The following TRAPPC8 variants were observed in gnomAD, a reference collection of about 807,000 sequenced individuals.
TRAPPC8 encodes trafficking protein particle complex subunit 8.
A neutral mutation model predicts 174.3 loss-of-function variants in TRAPPC8; 54 were observed. The observed-to-expected ratio is 0.31, with a 90% confidence interval of 0.25 to 0.39. The LOEUF (loss-of-function observed/expected upper bound fraction) is 0.39, where lower values mean the gene tolerates loss of function less well. Ranked by LOEUF, TRAPPC8 falls within the 10% of genes least tolerant of loss-of-function variation. TRAPPC8 has a pLI of 1.00. For missense variants in TRAPPC8, 1,531 were observed against 1,699.1 expected (o/e 0.90, Z 1.74); for synonymous variants, 630 against 579.9 (o/e 1.09, Z -1.24).
At chr18:31,874,305 G>A (rs2035033691) in intron 13 of TRAPPC8, 175 bp downstream of exon 13, 6 of 593,212 alleles carry the variant, frequency 1.0e-5, no homozygotes, top group Non-Finnish European at 1.8e-5. Context: ...CAAGAACTGT[G>A]GAAGGGGCAA....
intron 22 of TRAPPC8, among the ~76,000 whole-genome samples, chr18:31,853,543 C>G (rs779580550): frequency 3.3e-5 from 5 of 152,180 alleles, no homozygotes; most frequent in Non-Finnish European, 7.3e-5. Context: ...GCAGGAATTA[C>G]AGGCGTGAGC....
Position 31,897,900 on chromosome 18 carries a change from A to G in TRAPPC8, c.1491-9T>C. ...CAGCCAACACCATATTCCTATAGAA[A>G]AAAGGACAAGAAGATAAAATAGCAC... is the stretch of plus-strand genomic sequence containing the variant. On this transcript the variant is annotated splice_polypyrimidine_tract_variant and intron_variant, in intron 10 of 28. Transcript: ENST00000283351. 1 of 1,606,676 alleles carries G rather than the reference A, an allele frequency of 6.2e-7. No individual in the cohort carries two copies. Among genetic ancestry groups the G allele is most frequent in the Non-Finnish European group, 8.5e-7 (1 of 1,175,910 alleles).
In TRAPPC8 at chr18:31,942,902, A is replaced by G; in HGVS notation, c.-138T>C. The G allele has an allele frequency of 1.6e-6, 2 of 1,242,386 alleles. No homozygotes were observed. Among genetic ancestry groups the G allele is most frequent in the Non-Finnish European group, 2.0e-6 (2 of 993,572 alleles). 77.0% of individuals were successfully genotyped at this position (1,242,386 alleles called of 1,614,324 possible). A position where few individuals can be genotyped will look rare whatever the true frequency, so the allele number is the denominator to read the frequency against. ...CCCGAACGCACTGGAGCCTAGAAAC[A>G]AGAAGGAACAGACGCCGCCGCTTCG... On this transcript the variant is annotated 5_prime_UTR_variant, in exon 1 of 29. Coordinates refer to ENST00000283351, the MANE Select transcript of TRAPPC8 (RefSeq NM_014939.5).
intron 13 of TRAPPC8, 168 bp from the exon 14 acceptor site, chr18:31,873,706 G>T: frequency 1.9e-6 from 1 of 512,994 alleles, no homozygotes; most frequent in Non-Finnish European, 3.5e-6. Context: ...TTACAACTCA[G>T]AAGCACTTCA....
At chr18:31,858,304 G>A (rs1205068642) in intron 19 of TRAPPC8, among the ~76,000 whole-genome samples, 2 of 152,054 alleles carry the variant, frequency 1.3e-5, no homozygotes, top group African/African-American at 4.8e-5. Flanking sequence ...AATTTAACAC[G>A]GCTATATGAA....
At chr18:31,832,948 G>GA (rs2032465227) in intron 27 of TRAPPC8, among the ~76,000 whole-genome samples, 1 of 152,166 alleles carries the variant, frequency 6.6e-6, no homozygotes, top group Non-Finnish European at 1.5e-5. Flanking sequence ...ATTCTGCTCA[G>GA]ATAATATATT....
chr18:31,920,352 G>A lies in TRAPPC8; in HGVS notation c.353-2685C>T, dbSNP rs1300600304. 3.9e-5 allele frequency among the ~76,000 whole-genome samples: 6 copies of A among 152,098 alleles called. No homozygotes were observed. In the East Asian group the frequency reaches 5.8e-4, roughly 15 times the overall value. On this transcript the variant is annotated intron_variant, in intron 2 of 28. Transcript: ENST00000283351. Reference sequence around the variant, plus strand: ...ATTGAAAGACTAGAAAACACAACGCGCTCATCAGGAGAAAACTGATGAACA... The same window carrying A: ...ATTGAAAGACTAGAAAACACAACGCACTCATCAGGAGAAAACTGATGAACA...
chr18:31,905,840 A>C (rs781305784), intron 9 of TRAPPC8, among the ~76,000 whole-genome samples: 9 of 152,196 alleles, frequency 5.9e-5, no homozygotes, highest in Non-Finnish European at 1.3e-4. Flanking sequence ...TGAATGGCTT[A>C]AATGTAGTTT....
intron 10 of TRAPPC8, among the ~76,000 whole-genome samples, chr18:31,899,796 AT>A (rs1425224437): frequency 6.6e-6 from 1 of 152,018 alleles, no homozygotes; most frequent in Admixed American, 6.5e-5. Flanking sequence ...AATACAAAAA[AT>A]TAGCTGGGCA....
intron 1 of TRAPPC8, among the ~76,000 whole-genome samples, chr18:31,939,962 A>C (rs991197003): frequency 9.8e-5 from 15 of 152,338 alleles, no homozygotes; most frequent in African/African-American, 3.6e-4. Flanking sequence ...ATGAGCCGCT[A>C]TCACAGCACT....
intron 12 of TRAPPC8, among the ~76,000 whole-genome samples, chr18:31,886,779 G>A (rs971681969): frequency 6.6e-6 from 1 of 152,116 alleles, no homozygotes; most frequent in Non-Finnish European, 1.5e-5. Context: ...TCAGGAGTTT[G>A]AGACCAGCTT....
At chr18:31,853,034 T>G (rs114448523) in intron 22 of TRAPPC8, among the ~76,000 whole-genome samples, 2 of 152,238 alleles carry the variant, frequency 1.3e-5, no homozygotes, top group Admixed American at 6.5e-5. Context: ...CCAACATTAC[T>G]ATACGAACAC....
At chr18:31,904,477 G>A (rs935611747) in intron 9 of TRAPPC8, among the ~76,000 whole-genome samples, 4 of 152,026 alleles carry the variant, frequency 2.6e-5, no homozygotes, top group Non-Finnish European at 5.9e-5. Flanking sequence ...GGATGGGAAA[G>A]CCATAATTCA....
chr18:31,885,012 C>A (rs2035638346), intron 12 of TRAPPC8, among the ~76,000 whole-genome samples: 2 of 151,274 alleles, frequency 1.3e-5, no homozygotes, highest in Non-Finnish European at 2.9e-5. Context: ...CGCCACCACG[C>A]CCGGCTAATT....
In TRAPPC8 at chr18:31,887,833, T is replaced by C. The variant is rs372586380; in HGVS notation, c.1728+2902A>G. On this transcript the variant is annotated intron_variant, in intron 12 of 28. Transcript: ENST00000283351. ...CTCACCACTGCTATTCAACATAGTA[T>C]TGGACGTTCTGGCCAGGGCAATCAA... Among the ~76,000 whole-genome samples, 4 of 152,102 alleles carry C rather than the reference T, an allele frequency of 2.6e-5. No homozygotes were observed. The South Asian group carries it at 6.2e-4, about 24-fold the overall frequency.
At chr18:31,843,000 A>C (rs1443613486) in intron 26 of TRAPPC8, among the ~76,000 whole-genome samples, 1 of 152,216 alleles carries the variant, frequency 6.6e-6, no homozygotes, top group Non-Finnish European at 1.5e-5. Context: ...CTTTATGAAA[A>C]GAAAAAGATC....
At chr18:31,893,383 G>A (rs1598689104) in intron 11 of TRAPPC8, among the ~76,000 whole-genome samples, 2 of 87,322 alleles carry the variant, frequency 2.3e-5, no homozygotes, top group Admixed American at 1.0e-4. Context: ...GCTTCTAGGT[G>A]TGTGTGTGTG....
intron 16 of TRAPPC8, among the ~76,000 whole-genome samples, chr18:31,869,777 G>A (rs1429291333): frequency 6.6e-6 from 1 of 152,124 alleles, no homozygotes; most frequent in Non-Finnish European, 1.5e-5. Context: ...CAAATATGTG[G>A]GAAAAACATA....
At chr18:31,900,872 AGAAC>A in intron 10 of TRAPPC8, 49 bp downstream of exon 10, 2 of 1,383,532 alleles carry the variant, frequency 1.4e-6, no homozygotes, top group South Asian at 1.3e-5. Flanking sequence ...AAAAAAAAAA[AGAAC>A]AAACTGACCT....
Sources: gnomAD v4.1 joint callset for allele counts (sites outside exome capture counted in the v4.1 genomes callset) on GRCh38, gnomAD v4.1.1 for gene constraint, MANE v1.5 for transcripts, NCBI Gene and HGNC (gene_info 2026-07-23, HGNC 2026-07-21) for gene names.